Variants in SPTBN1 observed in about 807,000 individuals in gnomAD.
The protein encoded by SPTBN1 is spectrin beta chain, non-erythrocytic 1.
SPTBN1 carries 32 observed loss-of-function variants against 266.4 expected under a neutral mutation model. The observed-to-expected ratio is 0.12, with a 90% confidence interval of 0.09 to 0.16. The LOEUF is 0.16. Ranked by LOEUF, SPTBN1 falls within the 10% of genes least tolerant of loss-of-function variation. The probability of loss-of-function intolerance (pLI) is 1.00; values close to 1 mark genes in which losing one functional copy is unlikely to be tolerated. For synonymous variants in SPTBN1, 1,336 were observed against 1,162.2 expected, an observed-to-expected ratio of 1.15 and a Z score of -3.04; for missense variants, 2,296 against 3,067.1, an observed-to-expected ratio of 0.75 and a Z score of 5.94.
chr2:54,511,256 T>G (rs1669843900), intron 1 of SPTBN1, among the ~76,000 whole-genome samples: 1 of 152,234 alleles, frequency 6.6e-6, no homozygotes, highest in Non-Finnish European at 1.5e-5. Context: ...TTTAACTGAC[T>G]TTTGTTACCA....
At chr2:54,607,572 G>A (rs951879002) in intron 3 of SPTBN1, among the ~76,000 whole-genome samples, 4 of 152,046 alleles carry the variant, frequency 2.6e-5, no homozygotes, top group South Asian at 4.2e-4. Flanking sequence ...CGGTGAGATC[G>A]TGCCATTGCA....
In SPTBN1 at chr2:54,628,827, AGC is replaced by A; in HGVS notation, c.1799-105_1799-104del. 1 of 1,410,524 alleles carries A rather than the reference AGC, an allele frequency of 7.1e-7. No individual in the cohort carries two copies. Among genetic ancestry groups the A allele is most frequent in the Non-Finnish European group, 9.5e-7 (1 of 1,050,862 alleles). 87.4% of individuals were successfully genotyped at this position (1,410,524 alleles called of 1,614,324 possible). On this transcript the variant is annotated intron_variant, in intron 13 of 35. Coordinates refer to ENST00000356805, the MANE Select transcript of SPTBN1 (RefSeq NM_003128.3). The surrounding 1 kb of genome is among the most constrained non-coding windows in gnomAD (Gnocchi z 4.3). The stretch of plus-strand genomic sequence containing the variant: ...GGCCCTGCATTTACATTTAGCAGTG[AGC>A]TGGTAATCATAAGAATATGGGGTGT...
Position 54,628,907 on chromosome 2 carries a change from C to T in SPTBN1, c.1799-26C>T, listed in dbSNP as rs763518194. 39 of 1,555,726 alleles carry T rather than the reference C, an allele frequency of 2.5e-5. 1 individual carries two copies. The South Asian group carries it at 4.8e-4, about 19-fold the overall frequency. On this transcript the variant is annotated intron_variant, in intron 13 of 35. Coordinates refer to ENST00000356805, the MANE Select transcript of SPTBN1 (RefSeq NM_003128.3). This position sits in a 1 kb window ranked among gnomAD's most constrained non-coding sequence, Gnocchi z 4.3. The stretch of plus-strand genomic sequence containing the variant: ...CCCATGCTGAGCTCCCTCACACAGC[C>T]ACGTTCCTTCCTTGATGTTAAACAG...
chr2:54,615,512 C>T (rs1297733850), intron 4 of SPTBN1, among the ~76,000 whole-genome samples: 1 of 152,218 alleles, frequency 6.6e-6, no homozygotes, highest in African/African-American at 2.4e-5. Context: ...ACCCTTATTA[C>T]GAGCTCTGCA....
At chr2:54,481,765 C>T (rs1450386743) in intron 1 of SPTBN1, among the ~76,000 whole-genome samples, 2 of 152,110 alleles carry the variant, frequency 1.3e-5, no homozygotes, top group East Asian at 3.9e-4. Flanking sequence ...GATGGGTTAG[C>T]CAAGGGAAGG....
intron 1 of SPTBN1, among the ~76,000 whole-genome samples, chr2:54,474,944 G>A (rs543934931): frequency 6.6e-6 from 1 of 152,254 alleles, no homozygotes; most frequent in Admixed American, 6.5e-5. Flanking sequence ...AGGCTGAGGC[G>A]GGTAGATTGC....
In SPTBN1 at chr2:54,664,288, T is replaced by C. The variant is rs142197785; in HGVS notation, c.6421-165T>C. 3 of 688,320 alleles carry C rather than the reference T, an allele frequency of 4.4e-6. No homozygotes were observed. Among genetic ancestry groups the C allele is most frequent in the Non-Finnish European group, 7.5e-6 (3 of 401,312 alleles). 42.6% of individuals were successfully genotyped at this position (688,320 alleles called of 1,614,324 possible). On this transcript the variant is annotated intron_variant, in intron 32 of 35. Coordinates refer to ENST00000356805, the MANE Select transcript of SPTBN1 (RefSeq NM_003128.3). The surrounding 1 kb of genome is among the most constrained non-coding windows in gnomAD (Gnocchi z 5.6). ...GTATTAATCCATTCCCACCTTCTAA[T>C]GTCCTTGATGTCCAGCTGGCTTTGT...
chr2:54,477,967 G>C (rs143177478), intron 1 of SPTBN1, among the ~76,000 whole-genome samples: 2 of 152,110 alleles, frequency 1.3e-5, no homozygotes, highest in African/African-American at 4.8e-5. Context: ...GGGAGGATTT[G>C]AGGCAGAGAA....
At chr2:54,616,112 C>A in intron 4 of SPTBN1, 95 bp from the exon 5 acceptor site, 1 of 997,240 alleles carries the variant, frequency 1.0e-6, no homozygotes, top group Non-Finnish European at 1.5e-6. Flanking sequence ...CTATGATCTA[C>A]AGTTTATTCT....
At chr2:54,656,948 G>T (rs1680708075) in intron 29 of SPTBN1, among the ~76,000 whole-genome samples, 1 of 152,216 alleles carries the variant, frequency 6.6e-6, no homozygotes, top group Non-Finnish European at 1.5e-5. Context: ...CCCTAGTGCA[G>T]AGGTGGCATC....
In SPTBN1 at chr2:54,644,762, C is replaced by T. The variant is rs183486703; in HGVS notation, c.4269+176C>T. Among the ~76,000 whole-genome samples the T allele has an allele frequency of 4.2e-4, 64 of 152,320 alleles. 1 individual carries two copies. The highest frequency in any genetic ancestry group is 1.5e-3 in the African/African-American group (62 of 41,580). ...AGAACATTTCCAGAATAGAAAGACACTTGTCCAAACTAGAAAGACACAGTA... is the reference window on the plus strand; with the variant it reads ...AGAACATTTCCAGAATAGAAAGACATTTGTCCAAACTAGAAAGACACAGTA... On this transcript the variant is annotated intron_variant, in intron 20 of 35. Transcript: ENST00000356805.
At chr2:54,530,379 G>A (rs375261027) in intron 2 of SPTBN1, among the ~76,000 whole-genome samples, 1 of 14,060 alleles carries the variant, frequency 7.1e-5, no homozygotes, top group East Asian at 2.5e-3. Context: ...TTTTTTTTGA[G>A]ACGGAGTCTT....
intron 1 of SPTBN1, among the ~76,000 whole-genome samples, chr2:54,482,601 T>G (rs143477094): frequency 6.6e-6 from 1 of 152,212 alleles, no homozygotes; most frequent in Non-Finnish European, 1.5e-5. Context: ...TACTTATGTT[T>G]ATGTGAATTA....
rs771866202 is a variant in SPTBN1, at chr2:54,649,783, C to T, written c.5371C>T (p.Leu1791=). ...DGLNEAWADL[L]ELIDTRTQIL... ...CCTCAATGAAGCCTGGGCCGACCTC[C>T]TGGAGCTCATTGACACAAGAACACA... Residue 1791 remains leucine (L), a synonymous_variant, in exon 26 of 36, where the codon CTG becomes TTG. Coordinates refer to ENST00000356805, the MANE Select transcript of SPTBN1 (RefSeq NM_003128.3). The surrounding 1 kb of genome is among the most constrained non-coding windows in gnomAD (Gnocchi z 6.7). 2 of 1,614,210 alleles carry T rather than the reference C, an allele frequency of 1.2e-6. No homozygotes were observed. Among genetic ancestry groups the T allele is most frequent in the East Asian group, 2.2e-5 (1 of 44,882 alleles).
chr2:54,547,919 A>G (rs944161204), intron 2 of SPTBN1, among the ~76,000 whole-genome samples: 7 of 152,164 alleles, frequency 4.6e-5, no homozygotes, highest in African/African-American at 7.2e-5. Context: ...CAAGGCGGGC[A>G]GATCACGAGG....
In SPTBN1 at chr2:54,629,238, G is replaced by A. The variant is rs748195569; in HGVS notation, c.2104G>A (p.Glu702Lys). 6.8e-6 allele frequency: 11 copies of A among 1,613,854 alleles called. No homozygotes were observed. Among genetic ancestry groups the A allele is most frequent in the Admixed American group, 1.7e-5 (1 of 60,016 alleles). ...GHFEQAIKEGEDMIAEEHFGS... is the reference protein window; with the variant it reads ...GHFEQAIKEGKDMIAEEHFGS... ...CTTTGAGCAGGCCATCAAGGAAGGC[G>A]AAGACATGATCGCGGAGGAGCACTT... Residue 702 changes from glutamate to lysine, a missense_variant, in exon 14 of 36, where the codon GAA (glutamate) becomes AAA (lysine). Transcript: ENST00000356805.
intron 2 of SPTBN1, chr2:54,527,592 G>T (rs1456214807): frequency 6.6e-6 from 1 of 152,156 alleles, no homozygotes; most frequent in Non-Finnish European, 1.5e-5. Flanking sequence ...GACTTAAATG[G>T]TGTGACCAGG....
rs1176356079 is a variant in SPTBN1, at chr2:54,653,103, A to G, written c.5578-506A>G. ...AGTTATTTTAACCACATAGGGTGCC[A>G]CGTTTTTATACTTTTTGAGTGTAAA... On this transcript the variant is annotated intron_variant, in intron 26 of 35. Coordinates refer to ENST00000356805, the MANE Select transcript of SPTBN1 (RefSeq NM_003128.3). The surrounding 1 kb of genome is among the most constrained non-coding windows in gnomAD (Gnocchi z 5.1). The G allele has an allele frequency of 1.3e-5, 2 of 152,300 alleles. No individual in the cohort carries two copies. Among genetic ancestry groups the G allele is most frequent in the Non-Finnish European group, 2.9e-5 (2 of 68,108 alleles). The allele number at this position is 152,300 out of a possible 1,614,324, so 9.4% of individuals were successfully genotyped here.
chr2:54,514,457 C>T (rs1573310481), intron 1 of SPTBN1, among the ~76,000 whole-genome samples: 1 of 152,278 alleles, frequency 6.6e-6, no homozygotes, highest in South Asian at 2.1e-4. Flanking sequence ...GAATCACCTT[C>T]CAGTGGCGTT....
Sources: gnomAD v4.1 joint callset for allele counts (sites outside exome capture counted in the v4.1 genomes callset) on GRCh38, gnomAD v4.1.1 for gene constraint, Gnocchi (gnomAD v3.1) non-coding constraint, MANE v1.5 for transcripts, NCBI Gene and HGNC (gene_info 2026-07-23, HGNC 2026-07-21) for gene names.